CYTH3: variants seen among roughly 807,000 people sequenced by gnomAD.
The protein encoded by CYTH3 is cytohesin-3.
In CYTH3, 23 loss-of-function variants were observed where a neutral mutation model predicts 55.1. The ratio of observed to expected loss-of-function variants is 0.42; its 90% CI spans 0.30 to 0.59. The LOEUF is 0.59. Ranked by LOEUF, CYTH3 falls within the 20% of genes least tolerant of loss-of-function variation. The pLI, the probability that CYTH3 is intolerant of heterozygous loss-of-function variation, is 0.20. For synonymous variants in CYTH3, 249 were observed against 194.9 expected (o/e 1.28, Z -2.31); for missense variants, 413 against 524.8 (o/e 0.79, Z 2.08).
At chr7:6,261,321 G>A (rs1562419170) in intron 1 of CYTH3, among the ~76,000 whole-genome samples, 1 of 152,196 alleles carries the variant, frequency 6.6e-6, no homozygotes, top group Non-Finnish European at 1.5e-5. Context: ...CTGCCAAGTA[G>A]AAGAGGCCCT....
At chr7:6,182,692 TTA>T (rs1428822958) in intron 4 of CYTH3, among the ~76,000 whole-genome samples, 1 of 152,120 alleles carries the variant, frequency 6.6e-6, no homozygotes, top group African/African-American at 2.4e-5. Flanking sequence ...AAAAAACTGT[TTA>T]TAGAGATGAG....
At chr7:6,237,026 G>T (rs1007200543) in intron 1 of CYTH3, among the ~76,000 whole-genome samples, 1 of 152,186 alleles carries the variant, frequency 6.6e-6, no homozygotes, top group Non-Finnish European at 1.5e-5. Context: ...TTTTCACAAC[G>T]GCTCACAGAA....
In CYTH3 at chr7:6,171,442, T is replaced by A; in HGVS notation, c.450-128A>T. 1.4e-6 allele frequency: 1 copy of A among 735,796 alleles called. No individual in the cohort carries two copies. The highest frequency in any genetic ancestry group is 1.7e-5 in the South Asian group (1 of 59,110). The allele number at this position is 735,796 out of a possible 1,614,324, so 45.6% of individuals were successfully genotyped here. On this transcript the variant is annotated intron_variant, in intron 6 of 12. Coordinates refer to ENST00000350796, the MANE Select transcript of CYTH3 (RefSeq NM_004227.4). The surrounding 1 kb of genome is among the most constrained non-coding windows in gnomAD (Gnocchi z 6.7). ...CCTGGGGTACAGCTCTGGCAGGGGC[T>A]TGGGGGCGCAGAGACAGAAAGGAGA...
intron 1 of CYTH3, among the ~76,000 whole-genome samples, chr7:6,269,726 T>C (rs1404970015): frequency 6.6e-6 from 1 of 152,216 alleles, no homozygotes; most frequent in Non-Finnish European, 1.5e-5. Context: ...GCTCCTCTTG[T>C]AACTGCCTTC....
intron 1 of CYTH3, among the ~76,000 whole-genome samples, chr7:6,257,722 A>G (rs1780165743): frequency 6.6e-6 from 1 of 152,234 alleles, no homozygotes; most frequent in South Asian, 2.1e-4. Flanking sequence ...AATGAATGAC[A>G]GAATGAAACC....
intron 1 of CYTH3, among the ~76,000 whole-genome samples, chr7:6,246,814 T>A (rs1779832205): frequency 6.6e-6 from 1 of 152,214 alleles, no homozygotes; most frequent in African/African-American, 2.4e-5. Context: ...TGACTTTTCA[T>A]TTGTAACATC....
chr7:6,228,680 G>C (rs1779310222), intron 1 of CYTH3, among the ~76,000 whole-genome samples: 1 of 152,196 alleles, frequency 6.6e-6, no homozygotes, highest in South Asian at 2.1e-4. Flanking sequence ...CTCCCGCTCT[G>C]AGCAGGGTCC....
At chr7:6,213,778 CTG>C (rs974571695) in intron 1 of CYTH3, among the ~76,000 whole-genome samples, 5 of 151,912 alleles carry the variant, frequency 3.3e-5, no homozygotes, top group Admixed American at 1.3e-4. Context: ...AAGATTAACA[CTG>C]TTCCTTGGAA....
At chr7:6,245,211 T>C (rs564074485) in intron 1 of CYTH3, among the ~76,000 whole-genome samples, 1 of 152,162 alleles carries the variant, frequency 6.6e-6, no homozygotes, top group Non-Finnish European at 1.5e-5. Context: ...TAAGGTTGTG[T>C]GCCAAAGAAA....
chr7:6,258,312 C>CA (rs1203222006), intron 1 of CYTH3, among the ~76,000 whole-genome samples: 2,685 of 122,806 alleles, frequency 0.022, 59 homozygotes, highest in African/African-American at 0.068. Context: ...GACACAGTCT[C>CA]AAAAAAAAAA....
intron 1 of CYTH3, among the ~76,000 whole-genome samples, chr7:6,238,494 T>A (rs1252813100): frequency 1.3e-5 from 2 of 152,348 alleles, no homozygotes; most frequent in East Asian, 3.9e-4. Flanking sequence ...GCTTAGTAAA[T>A]ACATTACAGA....
rs1452804003 is a variant in CYTH3, at chr7:6,170,235, G to C, written c.823+300C>G. 2 of 392,824 alleles carry C rather than the reference G, an allele frequency of 5.1e-6. No individual in the cohort carries two copies. The highest frequency in any genetic ancestry group is 2.1e-5 in the African/African-American group (1 of 48,728). 24.3% of individuals were successfully genotyped at this position (392,824 alleles called of 1,614,324 possible). ...CACACAGGCTCTGTGGAGATAATGC[G>C]CTTGCTTCTCGTGCAGGAAGCTGCC... On this transcript the variant is annotated intron_variant, in intron 9 of 12. Coordinates refer to ENST00000350796, the MANE Select transcript of CYTH3 (RefSeq NM_004227.4). This position sits in a 1 kb window ranked among gnomAD's most constrained non-coding sequence, Gnocchi z 7.8.
intron 1 of CYTH3, among the ~76,000 whole-genome samples, chr7:6,210,827 G>T (rs934536645): frequency 6.6e-6 from 1 of 152,108 alleles, no homozygotes; most frequent in African/African-American, 2.4e-5. Context: ...AAACAGTTGG[G>T]CATATTGCCT....
Position 6,165,802 on chromosome 7 carries a change from C to A in CYTH3, c.832G>T (p.Val278Leu). The change falls in exon 10 of 13, where the codon GTG becomes TTG. Residue 278 changes from valine (V) to leucine (L), a missense_variant. Transcript: ENST00000350796. ...AACCACCGGCGCTTCCAGGTCTTCA[C>A]ACGCCCTCCTAGAAGCAGAAGGGCC... The part of the protein sequence containing the change: ...EGWLLKLGGR[V>L]KTWKRRWFIL... The A allele has an allele frequency of 1.2e-6, 2 of 1,614,076 alleles. No homozygotes were observed. The highest frequency in any genetic ancestry group is 1.7e-6 in the Non-Finnish European group (2 of 1,179,972).
intron 1 of CYTH3, among the ~76,000 whole-genome samples, chr7:6,243,508 T>C (rs1181783770): frequency 6.6e-6 from 1 of 152,210 alleles, no homozygotes; most frequent in African/African-American, 2.4e-5. Flanking sequence ...TTTTTTCCAC[T>C]TCACCACACT....
At chr7:6,272,448 G>A (rs1780691638) in intron 1 of CYTH3, 26 bp downstream of exon 1, 3 of 1,321,316 alleles carry the variant, frequency 2.3e-6, no homozygotes, top group East Asian at 3.7e-5. Context: ...GGCCGCCGGC[G>A]AGCCCACCAC....
chr7:6,271,102 AGACAG>A (rs1267169497), intron 1 of CYTH3, among the ~76,000 whole-genome samples: 2 of 151,852 alleles, frequency 1.3e-5, no homozygotes, highest in African/African-American at 4.9e-5. Flanking sequence ...TCATGGCTCC[AGACAG>A]CCTGACTGTA....
intron 1 of CYTH3, among the ~76,000 whole-genome samples, chr7:6,266,683 T>C (rs1287455932): frequency 1.3e-5 from 2 of 150,176 alleles, no homozygotes; most frequent in African/African-American, 2.5e-5. Flanking sequence ...TCGAAGGGCA[T>C]TTCCTCAGAG....
rs1392738508 is a variant in CYTH3 at position 6,172,816 on chromosome 7, G to T, written c.449+837C>A. The T allele has an allele frequency of 7.0e-6, 9 of 1,282,714 alleles. No homozygotes were observed. The East Asian group carries it at 5.1e-4, about 72-fold the overall frequency. 79.5% of individuals were successfully genotyped at this position (1,282,714 alleles called of 1,614,324 possible). A position where few individuals can be genotyped will look rare whatever the true frequency, so the allele number is the denominator to read the frequency against. On this transcript the variant is annotated intron_variant, in intron 6 of 12. Coordinates refer to ENST00000350796, the MANE Select transcript of CYTH3 (RefSeq NM_004227.4). Reference sequence around the variant, plus strand: ...TGCGGCTGCAGGATTCTTATATGTTGCGAACTCTCAGCGCACTGTTCAGCC... The same window carrying T: ...TGCGGCTGCAGGATTCTTATATGTTTCGAACTCTCAGCGCACTGTTCAGCC...
Sources: allele counts gnomAD v4.1 joint callset (sites outside exome capture counted in the v4.1 genomes callset), GRCh38; gene constraint gnomAD v4.1.1; non-coding constraint Gnocchi (gnomAD v3.1); transcripts MANE v1.5; gene names NCBI Gene and HGNC (gene_info 2026-07-23, HGNC 2026-07-21).